BANK1: variants seen among roughly 807,000 people sequenced by gnomAD.
The protein encoded by BANK1 is B cell scaffold protein with ankyrin repeats 1, also known as B-cell scaffold protein with ankyrin repeats.
In BANK1, 95 loss-of-function variants were observed where a neutral mutation model predicts 94.5. The ratio of observed to expected loss-of-function variants is 1.00; its 90% CI spans 0.85 to 1.19. BANK1 has a LOEUF of 1.19. Ranked by LOEUF, BANK1 falls within the 50% of genes most tolerant of loss-of-function variation. The pLI is 0.00. For missense variants in BANK1, 987 were observed against 932.2 expected (o/e 1.06, Z -0.77); for synonymous variants, 334 against 308.4 (o/e 1.08, Z -0.87).
chr4:101,961,389 C>T (rs1724564643), intron 7 of BANK1, among the ~76,000 whole-genome samples: 1 of 152,146 alleles, frequency 6.6e-6, no homozygotes, highest in Admixed American at 6.5e-5. Flanking sequence ...TCAGCCACTC[C>T]AGGGAGTCTC....
chr4:102,007,155 TATA>T (rs1726332449), intron 7 of BANK1, among the ~76,000 whole-genome samples: 1 of 113,452 alleles, frequency 8.8e-6, no homozygotes, highest in African/African-American at 3.4e-5. Context: ...TTTATATATA[TATA>T]TATATATATA....
chr4:102,006,498 G>T (rs1458688979), intron 7 of BANK1, among the ~76,000 whole-genome samples: 2 of 151,874 alleles, frequency 1.3e-5, no homozygotes, highest in African/African-American at 4.8e-5. Context: ...ATTGTCTTTG[G>T]TATCAACCTC....
At chr4:102,034,956 A>C (rs1355608473) in intron 10 of BANK1, among the ~76,000 whole-genome samples, 1 of 152,220 alleles carries the variant, frequency 6.6e-6, no homozygotes, top group Non-Finnish European at 1.5e-5. Flanking sequence ...ATGAAGGAAG[A>C]GACCAAACTA....
chr4:102,023,872 T>C (rs927070604), intron 8 of BANK1, among the ~76,000 whole-genome samples: 1 of 152,224 alleles, frequency 6.6e-6, no homozygotes, highest in Non-Finnish European at 1.5e-5. Flanking sequence ...AATAATTTTT[T>C]CCATCCATTC....
chr4:101,804,181 G>T (rs1423306209), intron 1 of BANK1, among the ~76,000 whole-genome samples: 1 of 151,834 alleles, frequency 6.6e-6, no homozygotes, highest in Non-Finnish European at 1.5e-5. Flanking sequence ...GACCATACAT[G>T]TTGTTATTCA....
intron 7 of BANK1, among the ~76,000 whole-genome samples, chr4:101,935,521 G>A (rs1413097760): frequency 1.3e-5 from 2 of 151,472 alleles, no homozygotes; most frequent in Non-Finnish European, 3.0e-5. Flanking sequence ...CACTTATCAA[G>A]AATTTCTTGA....
chr4:102,038,755 A>G (rs1727604419), intron 10 of BANK1, among the ~76,000 whole-genome samples: 1 of 152,198 alleles, frequency 6.6e-6, no homozygotes, highest in South Asian at 2.1e-4. Context: ...AAGATGACAT[A>G]TGCAAATGAA....
chr4:101,843,393 G>C (rs939720187), intron 2 of BANK1, among the ~76,000 whole-genome samples: 1 of 151,964 alleles, frequency 6.6e-6, no homozygotes, highest in Non-Finnish European at 1.5e-5. Flanking sequence ...ATGCATTCAG[G>C]CACTTTCTTC....
chr4:102,028,941 A>T (rs1456105027), intron 9 of BANK1, among the ~76,000 whole-genome samples: 1 of 151,636 alleles, frequency 6.6e-6, no homozygotes, highest in Non-Finnish European at 1.5e-5. Flanking sequence ...TTGAGGCACG[A>T]TCTTGCTCTG....
chr4:101,838,256 G>C (rs187650932), intron 2 of BANK1, among the ~76,000 whole-genome samples: 2 of 152,260 alleles, frequency 1.3e-5, no homozygotes, highest in African/African-American at 4.8e-5. Context: ...ATCATGCCCA[G>C]CCTCTGGGTA....
chr4:101,859,140 GCCCAATCC>G (rs530100572), intron 3 of BANK1, among the ~76,000 whole-genome samples: 227 of 152,244 alleles, frequency 1.5e-3, no homozygotes, highest in Non-Finnish European at 2.6e-3. Flanking sequence ...TTAACTTAAA[GCCCAATCC>G]TGTGATTTAA....
intron 3 of BANK1, among the ~76,000 whole-genome samples, chr4:101,857,999 G>A (rs1727740935): frequency 1.3e-5 from 2 of 152,132 alleles, no homozygotes; most frequent in African/African-American, 2.4e-5. Flanking sequence ...TCTCCCAAAT[G>A]CATCCACTGT....
At chr4:102,061,150 G>A (rs541585341) in intron 12 of BANK1, among the ~76,000 whole-genome samples, 1 of 152,268 alleles carries the variant, frequency 6.6e-6, no homozygotes, top group South Asian at 2.1e-4. Context: ...TTAGGCCAAA[G>A]TATAAATAAT....
chr4:101,961,105 G>A (rs1724553062), intron 7 of BANK1, among the ~76,000 whole-genome samples: 1 of 152,120 alleles, frequency 6.6e-6, no homozygotes, highest in African/African-American at 2.4e-5. Context: ...GGATTACATG[G>A]AAAAACATTA....
intron 1 of BANK1, among the ~76,000 whole-genome samples, chr4:101,802,116 C>T (rs1427961197): frequency 6.6e-6 from 1 of 152,186 alleles, no homozygotes; most frequent in Admixed American, 6.5e-5. Context: ...GGGATAGAGC[C>T]CTAGCCAGGG....
Position 102,031,697 on chromosome 4 carries a change from G to T in BANK1, c.1900+1432G>T, listed in dbSNP as rs142389211. On this transcript the variant is annotated intron_variant, in intron 10 of 16. Transcript: ENST00000322953. ...TCCTTCCTAATTCTATAAGAAAGAT[G>T]CTCAACTCCTATAAATAATATGCAA... is the stretch of plus-strand genomic sequence containing the variant. Among the ~76,000 whole-genome samples, 759 of 152,184 alleles carry T rather than the reference G, an allele frequency of 5.0e-3. 8 individuals carry two copies. Among genetic ancestry groups the T allele is most frequent in the African/African-American group, 0.017 (721 of 41,526 alleles).
rs750598190 is a variant in BANK1 at position 101,829,835 on chromosome 4, A to T, written c.98A>T (p.Tyr33Phe). The T allele has an allele frequency of 4.5e-6, 7 of 1,566,332 alleles. No individual in the cohort carries two copies. The highest frequency in any genetic ancestry group is 6.0e-6 in the Non-Finnish European group (7 of 1,158,396). The change falls in exon 2 of 17, where the codon TAT becomes TTT. Residue 33 changes from tyrosine (Y) to phenylalanine (F), a missense_variant. Transcript: ENST00000322953. ...PGNTKDIIMI[Y>F]EEDAEEWALY... ...AATACAAAAGATATAATAATGATATATGAAGAAGATGCTGAGGAATGGGCT... is the reference window on the plus strand; with the variant it reads ...AATACAAAAGATATAATAATGATATTTGAAGAAGATGCTGAGGAATGGGCT...
intron 6 of BANK1, among the ~76,000 whole-genome samples, chr4:101,897,189 A>G (rs920313784): frequency 6.6e-6 from 1 of 151,992 alleles, no homozygotes; most frequent in Non-Finnish European, 1.5e-5. Flanking sequence ...TAGGGAACCA[A>G]TGAAGACAGA....
intron 3 of BANK1, 61 bp downstream of exon 3, chr4:101,855,250 G>A (rs1420506042): frequency 2.7e-6 from 4 of 1,506,628 alleles, no homozygotes. Context: ...GGTGGTGGTT[G>A]TTGTTGTTTG....
Sources: allele counts gnomAD v4.1 joint callset (sites outside exome capture counted in the v4.1 genomes callset), GRCh38; gene constraint gnomAD v4.1.1; transcripts MANE v1.5; gene names NCBI Gene and HGNC (gene_info 2026-07-23, HGNC 2026-07-21).